Variants in CFAP61 observed in about 807,000 individuals in gnomAD.
The protein encoded by CFAP61 is cilia and flagella associated protein 61, also known as cilia- and flagella-associated protein 61.
A neutral mutation model predicts 135.6 loss-of-function variants in CFAP61; 107 were observed. The observed-to-expected ratio is 0.79, with a 90% CI of 0.67 to 0.93. The LOEUF is 0.93. Ranked by LOEUF, CFAP61 falls within the 40% of genes least tolerant of loss-of-function variation. The pLI is 0.00. For synonymous variants in CFAP61, 575 were observed against 578.5 expected (o/e 0.99, Z 0.09); for missense variants, 1,507 against 1,556.2 (o/e 0.97, Z 0.53).
chr20:20,341,045 C>A (rs1029640206), intron 25 of CFAP61, among the ~76,000 whole-genome samples: 2 of 152,070 alleles, frequency 1.3e-5, no homozygotes, highest in Non-Finnish European at 2.9e-5. Context: ...TTTTTCCTTC[C>A]CCTGTGCGCA....
chr20:20,101,995 A>G (rs1949954555), intron 8 of CFAP61, among the ~76,000 whole-genome samples: 1 of 152,096 alleles, frequency 6.6e-6, no homozygotes, highest in Non-Finnish European at 1.5e-5. Context: ...ACCTGCCCAT[A>G]TCCCTCCGAC....
rs117682225 is a variant in CFAP61, at chr20:20,248,670, T to C, written c.2159+2455T>C. On this transcript the variant is annotated intron_variant, in intron 19 of 26. Coordinates refer to ENST00000245957, the MANE Select transcript of CFAP61 (RefSeq NM_015585.4). Reference sequence around the variant, plus strand: ...TTTTCTAGGAGTGTCACAATTAATCTTTTATGAGAATTTCTAAGGTTCTTT... The same window carrying C: ...TTTTCTAGGAGTGTCACAATTAATCCTTTATGAGAATTTCTAAGGTTCTTT... 1.1e-3 allele frequency among the ~76,000 whole-genome samples: 170 copies of C among 152,340 alleles called. 4 individuals are homozygous for C. In the East Asian group the frequency reaches 0.022, roughly 20 times the overall value.
intron 25 of CFAP61, among the ~76,000 whole-genome samples, chr20:20,327,134 T>C (rs2057779889): frequency 6.6e-6 from 1 of 152,190 alleles, no homozygotes; most frequent in African/African-American, 2.4e-5. Flanking sequence ...AGTCTCTTTT[T>C]TGTTTAAGCA....
chr20:20,116,816 T>G (rs1321693557), intron 8 of CFAP61, among the ~76,000 whole-genome samples: 3 of 152,194 alleles, frequency 2.0e-5, no homozygotes, highest in African/African-American at 7.2e-5. Flanking sequence ...TGAGATCCAC[T>G]TTTTTAGTTT....
Position 20,188,027 on chromosome 20 carries a change from G to C in CFAP61, c.1483G>C (p.Asp495His), listed in dbSNP as rs1366628887. The C allele has an allele frequency of 1.2e-6, 2 of 1,614,052 alleles. No individual in the cohort carries two copies. Among genetic ancestry groups the C allele is most frequent in the Non-Finnish European group, 1.7e-6 (2 of 1,180,012 alleles). ...MLNKSILEDL[D>H]RYNKARKDPD... ...GAATAAAAGCATATTGGAGGACTTA[G>C]ACCGTTACAACAAGGCTCGCAAAGA... Residue 495 changes from aspartate to histidine, a missense_variant, in exon 14 of 27, where the codon GAC becomes CAC. Asp to His is a moderately conservative substitution (Grantham distance 81). Coordinates refer to ENST00000245957, the MANE Select transcript of CFAP61 (RefSeq NM_015585.4).
chr20:20,278,435 G>A (rs1217880137), intron 22 of CFAP61, among the ~76,000 whole-genome samples: 1 of 152,192 alleles, frequency 6.6e-6, no homozygotes, highest in African/African-American at 2.4e-5. Flanking sequence ...CTCAGGGAGG[G>A]AAGGAGGGAA....
chr20:20,298,148 A>G (rs371408113), intron 24 of CFAP61, 33 bp from the exon 25 acceptor site: 180 of 1,457,292 alleles, frequency 1.2e-4, no homozygotes, highest in Admixed American at 2.0e-4. Flanking sequence ...AATGTTTCTA[A>G]TGTTGTTTTT....
Position 20,358,816 on chromosome 20 carries a change from T to C in CFAP61, c.3514-1394T>C, listed in dbSNP as rs577006357. Among the ~76,000 whole-genome samples the C allele has an allele frequency of 2.6e-5, 4 of 152,334 alleles. No individual in the cohort carries two copies. In the South Asian group the frequency reaches 8.3e-4, roughly 32 times the overall value. On this transcript the variant is annotated intron_variant, in intron 26 of 26. Transcript: ENST00000245957. ...TCTATAAGCTCTTATCACTAGTAAG[T>C]TAATAATCCAACAAAACCCTGCAAG... is the stretch of plus-strand genomic sequence containing the variant.
intron 7 of CFAP61, among the ~76,000 whole-genome samples, chr20:20,097,516 C>G (rs989527151): frequency 6.6e-6 from 1 of 152,190 alleles, no homozygotes; most frequent in African/African-American, 2.4e-5. Context: ...AGCCGTCTCT[C>G]CATGTGGAAT....
At chr20:20,269,903 GTGACC>G (rs11470025) in intron 21 of CFAP61, among the ~76,000 whole-genome samples, 55,439 of 151,512 alleles carry the variant, frequency 0.37, 10,579 homozygotes, top group Middle Eastern at 0.48. Flanking sequence ...TGCTTGCCAT[GTGACC>G]TGACCTTGAG....
intron 25 of CFAP61, 113 bp from the exon 26 acceptor site, chr20:20,341,718 A>C: frequency 3.0e-6 from 2 of 659,346 alleles, no homozygotes; most frequent in East Asian, 5.5e-5. Flanking sequence ...TTATGAGCAA[A>C]CGATTGCAAT....
At chr20:20,207,405 C>T (rs2146908129) in intron 17 of CFAP61, among the ~76,000 whole-genome samples, 1 of 152,316 alleles carries the variant, frequency 6.6e-6, no homozygotes, top group African/African-American at 2.4e-5. Flanking sequence ...CATTCTCCTC[C>T]CTGCAGAGCC....
At chr20:20,312,820 A>G (rs962906671) in intron 25 of CFAP61, among the ~76,000 whole-genome samples, 4 of 152,170 alleles carry the variant, frequency 2.6e-5, no homozygotes, top group Admixed American at 2.0e-4. Flanking sequence ...TATTTTTTCA[A>G]ATTTTAGAAT....
intron 13 of CFAP61, among the ~76,000 whole-genome samples, chr20:20,176,992 C>A (rs994796521): frequency 2.0e-5 from 3 of 151,842 alleles, no homozygotes; most frequent in African/African-American, 4.8e-5. Context: ...ATATTTATTT[C>A]TTTTTCTAGA....
At chr20:20,172,577 C>T (rs1016222134) in intron 13 of CFAP61, among the ~76,000 whole-genome samples, 2 of 152,172 alleles carry the variant, frequency 1.3e-5, no homozygotes, top group African/African-American at 4.8e-5. Flanking sequence ...ACCTTGGCCT[C>T]CCAGTGTTGC....
chr20:20,187,849 A>G (rs771905501), intron 13 of CFAP61, 81 bp from the exon 14 acceptor site: 6 of 1,037,788 alleles, frequency 5.8e-6, no homozygotes, highest in Admixed American at 3.8e-5. Context: ...TATAAGTGTG[A>G]TATATTACAA....
intron 17 of CFAP61, among the ~76,000 whole-genome samples, chr20:20,214,665 C>A (rs971201534): frequency 6.6e-6 from 1 of 152,242 alleles, no homozygotes; most frequent in African/African-American, 2.4e-5. Context: ...AACCCCAAGT[C>A]ACACAAAGAA....
rs145076353 is a variant in CFAP61 at position 20,272,695 on chromosome 20, A to G, written c.2504-4471A>G. The stretch of plus-strand genomic sequence containing the variant: ...CCGCCCAGCAGCTGCTTTCTCTCAC[A>G]TACTTTTAAACACTTTCTTCCTTCC... On this transcript the variant is annotated intron_variant, in intron 21 of 26. Transcript: ENST00000245957. Among the ~76,000 whole-genome samples the G allele has an allele frequency of 6.0e-3, 914 of 152,216 alleles. 4 individuals are homozygous for G. The highest frequency in any genetic ancestry group is 0.058 in the Middle Eastern group (17 of 294).
intron 8 of CFAP61, among the ~76,000 whole-genome samples, chr20:20,099,584 G>T (rs867208879): frequency 0.011 from 1,705 of 151,960 alleles, 25 homozygotes; most frequent in Middle Eastern, 0.065. Flanking sequence ...CACACGGGGG[G>T]GGGGTTGTGA....
Sources: gnomAD v4.1 joint callset for allele counts (sites outside exome capture counted in the v4.1 genomes callset) on GRCh38, gnomAD v4.1.1 for gene constraint, MANE v1.5 for transcripts, NCBI Gene and HGNC (gene_info 2026-07-23, HGNC 2026-07-21) for gene names.